The following PBRM1 variants were observed in gnomAD, a reference collection of about 807,000 sequenced individuals.
The protein encoded by PBRM1 is protein polybromo-1.
PBRM1 carries 27 observed loss-of-function variants against 194.5 expected under a neutral mutation model. That is an observed-to-expected ratio of 0.14 (90% CI 0.10 to 0.19). PBRM1 has a LOEUF of 0.19. PBRM1 is among the 10% of genes least tolerant of loss of function. PBRM1 has a pLI of 1.00. For synonymous variants in PBRM1, 655 were observed against 693.2 expected, an observed-to-expected ratio of 0.94 and a Z score of 0.87; for missense variants, 1,466 against 2,077.2, an observed-to-expected ratio of 0.71 and a Z score of 5.72.
chr3:52,582,902 C>G (rs1356095945), intron 20 of PBRM1, among the ~76,000 whole-genome samples: 2 of 149,138 alleles, frequency 1.3e-5, no homozygotes, highest in African/African-American at 5.0e-5. Context: ...TCGAGACCAT[C>G]CTGGCTAACA....
intron 17 of PBRM1, among the ~76,000 whole-genome samples, chr3:52,601,462 T>C (rs774435816): frequency 3.7e-4 from 56 of 152,030 alleles, no homozygotes; most frequent in Non-Finnish European, 7.5e-4. Context: ...CAGTCCACAA[T>C]AGGGTTCATG....
At chr3:52,605,705 C>T (rs1056902395) in intron 16 of PBRM1, among the ~76,000 whole-genome samples, 3 of 150,442 alleles carry the variant, frequency 2.0e-5, no homozygotes, top group Non-Finnish European at 3.0e-5. Flanking sequence ...CAGGTTCAAG[C>T]GATTCTCCTG....
At chr3:52,562,219 C>T (rs2083745530) in intron 24 of PBRM1, among the ~76,000 whole-genome samples, 1 of 151,242 alleles carries the variant, frequency 6.6e-6, no homozygotes, top group Non-Finnish European at 1.5e-5. Flanking sequence ...CCCAGCTACT[C>T]AGGAGGCTGA....
intron 3 of PBRM1, among the ~76,000 whole-genome samples, 154 bp downstream of exon 4, chr3:52,668,344 T>C (rs562383212): frequency 1.6e-4 from 24 of 152,216 alleles, no homozygotes; most frequent in African/African-American, 5.3e-4. Context: ...ATAAAAATCA[T>C]ATGAATGTCC....
chr3:52,607,777 C>T (rs888373173), intron 16 of PBRM1, among the ~76,000 whole-genome samples: 5 of 152,088 alleles, frequency 3.3e-5, no homozygotes, highest in Non-Finnish European at 7.4e-5. Flanking sequence ...TGAGTAACTC[C>T]AAGAGTTTTT....
chr3:52,602,609 G>A (rs974280173), intron 17 of PBRM1, among the ~76,000 whole-genome samples: 8 of 152,168 alleles, frequency 5.3e-5, no homozygotes, highest in Admixed American at 2.6e-4. Flanking sequence ...CAAAGTTGCA[G>A]CTTTACTCCA....
chr3:52,638,977 AT>A (rs58149305), intron 10 of PBRM1, among the ~76,000 whole-genome samples: 19,139 of 85,830 alleles, frequency 0.22, 2,871 homozygotes, highest in East Asian at 0.42. Flanking sequence ...CGTTATTCAC[AT>A]TTTTTTTTGG....
chr3:52,671,480 T>C (rs2096948725), intron 2 of PBRM1, among the ~76,000 whole-genome samples: 2 of 152,244 alleles, frequency 1.3e-5, no homozygotes, highest in Non-Finnish European at 2.9e-5. Flanking sequence ...TGCTACTCTA[T>C]ACCACATAAT....
intron 9 of PBRM1, among the ~76,000 whole-genome samples, 185 bp from the exon 11 acceptor site, chr3:52,642,230 T>C (rs1560679354): frequency 6.6e-6 from 1 of 152,188 alleles, no homozygotes; most frequent in Admixed American, 6.6e-5. Context: ...GAAACTATTT[T>C]TTTCCTCTTA....
At chr3:52,637,173 G>A (rs965890845) in intron 10 of PBRM1, among the ~76,000 whole-genome samples, 3 of 152,086 alleles carry the variant, frequency 2.0e-5, no homozygotes, top group Non-Finnish European at 4.4e-5. Flanking sequence ...ACTGTAAGCG[G>A]CATCTTTTAA....
intron 22 of PBRM1, among the ~76,000 whole-genome samples, chr3:52,565,422 T>C (rs1266646750): frequency 1.3e-5 from 2 of 151,170 alleles, no homozygotes; most frequent in Non-Finnish European, 2.9e-5. Context: ...GCAGAAGAAT[T>C]GCTTGAACCC....
intron 6 of PBRM1, among the ~76,000 whole-genome samples, 176 bp from the exon 8 acceptor site, chr3:52,648,618 CATTT>C (rs1243589789): frequency 1.3e-5 from 2 of 152,092 alleles, no homozygotes; most frequent in African/African-American, 4.8e-5. Flanking sequence ...TTACTGTACC[CATTT>C]ATAAGTAAGT....
chr3:52,677,997 T>C (rs962278520), intron 2 of PBRM1, among the ~76,000 whole-genome samples: 4 of 152,130 alleles, frequency 2.6e-5, no homozygotes, highest in Admixed American at 6.5e-5. Flanking sequence ...GCCTCCCTAG[T>C]AGCTGGGTCT....
chr3:52,597,255 G>A (rs576893850), intron 17 of PBRM1, among the ~76,000 whole-genome samples: 2 of 152,174 alleles, frequency 1.3e-5, no homozygotes, highest in African/African-American at 2.4e-5. Flanking sequence ...TACTGTGATT[G>A]TTTACCTGAT....
At chr3:52,658,544 G>A (rs746568596) in intron 4 of PBRM1, among the ~76,000 whole-genome samples, 5 of 151,898 alleles carry the variant, frequency 3.3e-5, no homozygotes, top group Non-Finnish European at 5.9e-5. Flanking sequence ...ATAGGCATGC[G>A]CCACCAGGCC....
At chr3:52,558,673 C>T (rs1274912414) in intron 25 of PBRM1, among the ~76,000 whole-genome samples, 1 of 152,180 alleles carries the variant, frequency 6.6e-6, no homozygotes, top group Non-Finnish European at 1.5e-5. Context: ...TCAGAAAGCA[C>T]AGGTTTTATG....
At chr3:52,548,315 T>A (rs2079980061) in intron 29 of PBRM1, 80 bp from the exon 32 acceptor site, 1 of 909,920 alleles carries the variant, frequency 1.1e-6, no homozygotes, top group Non-Finnish European at 1.6e-6. Context: ...TCTGACGAAC[T>A]TATTAAAACA....
At chr3:52,553,803 A>G (rs1187310262) in intron 27 of PBRM1, among the ~76,000 whole-genome samples, 1 of 151,910 alleles carries the variant, frequency 6.6e-6, no homozygotes, top group Non-Finnish European at 1.5e-5. Flanking sequence ...CTGGGACTAC[A>G]GGTGCCCGCC....
chr3:52,574,205 C>T (rs906347454), intron 22 of PBRM1, among the ~76,000 whole-genome samples: 1 of 152,198 alleles, frequency 6.6e-6, no homozygotes, highest in African/African-American at 2.4e-5. Context: ...GGCTTTCTTG[C>T]TATGTCATCA....
Sources: gnomAD v4.1 joint callset for allele counts (sites outside exome capture counted in the v4.1 genomes callset) on GRCh38, gnomAD v4.1.1 for gene constraint, MANE v1.5 for transcripts, NCBI Gene and HGNC (gene_info 2026-07-23, HGNC 2026-07-21) for gene names.